The following KANK1 variants were observed in gnomAD, a reference collection of about 807,000 sequenced individuals.
KANK1 encodes the protein KN motif and ankyrin repeat domain-containing protein 1.
A neutral mutation model predicts 106.2 loss-of-function variants in KANK1; 109 were observed. That is an observed-to-expected ratio of 1.03 (90% confidence interval 0.88 to 1.20). KANK1 has a LOEUF of 1.20. Among genes scored for constraint, KANK1 ranks in the 50% most tolerant of loss-of-function variants. The probability of loss-of-function intolerance (pLI) is 0.00; values close to 1 mark genes in which losing one functional copy is unlikely to be tolerated. For synonymous variants in KANK1, 873 were observed against 652.2 expected, an observed-to-expected ratio of 1.34 and a Z score of -5.16; for missense variants, 2,399 against 1,710.7, an observed-to-expected ratio of 1.40 and a Z score of -7.10.
chr9:503,359 C>T (rs1487864882), upstream of KANK1, among the ~76,000 whole-genome samples: 2 of 152,162 alleles, frequency 1.3e-5, no homozygotes, highest in South Asian at 2.1e-4. Flanking sequence ...ACCCAGTGAG[C>T]TGGCAAAGGC....
intron 1 of KANK1, among the ~76,000 whole-genome samples, chr9:524,199 G>A (rs1434777140): frequency 1.3e-5 from 2 of 151,812 alleles, no homozygotes; most frequent in Non-Finnish European, 2.9e-5. Context: ...ATGCTCAGTT[G>A]TGAAAGTGAT....
At chr9:552,662 C>T (rs910384964) in intron 1 of KANK1, among the ~76,000 whole-genome samples, 7 of 152,228 alleles carry the variant, frequency 4.6e-5, no homozygotes, top group African/African-American at 1.7e-4. Context: ...CATCAAATCA[C>T]ATTCTTGACT....
At chr9:501,591 G>C (rs959091994), upstream of KANK1, among the ~76,000 whole-genome samples, 1 of 147,374 alleles carries the variant, frequency 6.8e-6, no homozygotes, top group African/African-American at 2.6e-5. Flanking sequence ...CCCAGATACA[G>C]GTATTCGCCC....
chr9:555,509 A>G (rs1326333086), intron 1 of KANK1, among the ~76,000 whole-genome samples: 3 of 152,270 alleles, frequency 2.0e-5, no homozygotes, highest in Non-Finnish European at 4.4e-5. Flanking sequence ...CCAATTAGGT[A>G]AAATACTATA....
intron 3 of KANK1, among the ~76,000 whole-genome samples, chr9:497,502 C>T (rs2058475584): frequency 6.6e-6 from 1 of 152,000 alleles, no homozygotes; most frequent in South Asian, 2.1e-4. Flanking sequence ...GAATTCTTCT[C>T]TCACAGCTCT....
chr9:718,945 C>G (rs1305023816), intron 3 of KANK1, among the ~76,000 whole-genome samples: 2 of 147,564 alleles, frequency 1.4e-5, no homozygotes, highest in African/African-American at 5.0e-5. Context: ...TGAATTCATG[C>G]TCGAGCCCTT....
At chr9:668,983 C>CT (rs1410476057) in intron 1 of KANK1, among the ~76,000 whole-genome samples, 1 of 152,102 alleles carries the variant, frequency 6.6e-6, no homozygotes, top group Admixed American at 6.5e-5. Context: ...GACCTGGTTC[C>CT]TAACATGCGA....
chr9:706,723 C>T, intron 2 of KANK1: 3 of 943,896 alleles, frequency 3.2e-6, no homozygotes, highest in Non-Finnish European at 2.5e-6. Context: ...GTGTCATAAG[C>T]CCAGGGCTGA....
chr9:630,138 C>T (rs1445704960), intron 1 of KANK1, among the ~76,000 whole-genome samples: 2 of 152,148 alleles, frequency 1.3e-5, no homozygotes, highest in Non-Finnish European at 2.9e-5. Flanking sequence ...GTCCCAGCTA[C>T]TCAGGAGGCA....
chr9:564,297 A>C (rs1817269459), intron 1 of KANK1, among the ~76,000 whole-genome samples: 1 of 151,780 alleles, frequency 6.6e-6, no homozygotes, highest in African/African-American at 2.4e-5. Context: ...TCCTGACCTC[A>C]TGACTCCGCC....
chr9:642,731 CTCTG>C (rs1222034456), intron 1 of KANK1, among the ~76,000 whole-genome samples: 1 of 149,714 alleles, frequency 6.7e-6, no homozygotes, highest in African/African-American at 2.5e-5. Context: ...TAATTTCTCT[CTCTG>C]TCTTTCACAA....
intron 1 of KANK1, among the ~76,000 whole-genome samples, chr9:531,785 C>T (rs954190297): frequency 6.6e-6 from 1 of 152,192 alleles, no homozygotes; most frequent in African/African-American, 2.4e-5. Flanking sequence ...CGCCTTCTGG[C>T]GTCTGTCCTC....
intron 1 of KANK1, among the ~76,000 whole-genome samples, chr9:620,654 C>G (rs1832938250): frequency 1.3e-5 from 2 of 152,068 alleles, no homozygotes; most frequent in South Asian, 4.1e-4. Context: ...ATCCAGCTGC[C>G]TTGGCTTCCC....
chr9:662,698 G>T (rs1312130906), intron 1 of KANK1, among the ~76,000 whole-genome samples: 4 of 138,676 alleles, frequency 2.9e-5, no homozygotes, highest in Admixed American at 8.0e-5. Context: ...GTCTTGCTCT[G>T]TCACCCAGGC....
intron 1 of KANK1, among the ~76,000 whole-genome samples, chr9:609,817 G>T (rs1830160073): frequency 6.6e-6 from 1 of 151,788 alleles, no homozygotes; most frequent in African/African-American, 2.4e-5. Flanking sequence ...TTTTTCTCAG[G>T]CTACTTTCTA....
intron 1 of KANK1, among the ~76,000 whole-genome samples, chr9:573,719 C>G (rs894620414): frequency 4.6e-5 from 7 of 151,620 alleles, no homozygotes; most frequent in Non-Finnish European, 1.0e-4. Flanking sequence ...CTCAACACTC[C>G]CACCCCCACC....
At chr9:476,088 C>T (rs2058097599) in intron 3 of KANK1, among the ~76,000 whole-genome samples, 1 of 151,216 alleles carries the variant, frequency 6.6e-6, no homozygotes, top group Non-Finnish European at 1.5e-5. Flanking sequence ...CCTGGCCTCA[C>T]TGTGATCCAC....
intron 3 of KANK1, among the ~76,000 whole-genome samples, chr9:494,034 C>G (rs1230846144): frequency 6.6e-6 from 1 of 151,928 alleles, no homozygotes; most frequent in African/African-American, 2.4e-5. Context: ...AGGTGCACAC[C>G]GCCATGCCCC....
intron 1 of KANK1, among the ~76,000 whole-genome samples, chr9:572,059 G>C (rs1007590695): frequency 6.6e-6 from 1 of 151,688 alleles, no homozygotes; most frequent in African/African-American, 2.4e-5. Context: ...TCCTTTTTTA[G>C]GGCATTTCAG....
Sources: allele counts gnomAD v4.1 joint callset (sites outside exome capture counted in the v4.1 genomes callset), GRCh38; gene constraint gnomAD v4.1.1; transcripts MANE v1.5; gene names NCBI Gene and HGNC (gene_info 2026-07-23, HGNC 2026-07-21).